Variants in MGAT4C observed in about 807,000 individuals in gnomAD.
MGAT4C encodes MGAT4 family member C, also known as alpha-1,3-mannosyl-glycoprotein 4-beta-N-acetylglucosaminyltransferase C.
In MGAT4C, 19 loss-of-function variants were observed where a neutral mutation model predicts 40.1. That is an observed-to-expected ratio of 0.47 (90% CI 0.33 to 0.70). The LOEUF (loss-of-function observed/expected upper bound fraction) is 0.70, where lower values mean the gene tolerates loss of function less well. Ranked by LOEUF, MGAT4C falls within the 30% of genes least tolerant of loss-of-function variation. The pLI is 0.02. For synonymous variants in MGAT4C, 181 were observed against 187.1 expected (o/e 0.97, Z 0.27); for missense variants, 491 against 563.2 (o/e 0.87, Z 1.30).
At position 86,603,224 on chromosome 12, in the gene MGAT4C, T is replaced by G. The variant is rs1434417720; in HGVS notation, c.-229+123985A>C. ...TAGAATAATACTATATAGTATAATA[T>G]AATATAATATATTATATAATGGTAT... is the stretch of plus-strand genomic sequence containing the variant. On this transcript the variant is annotated intron_variant, in intron 2 of 7. Coordinates refer to the MGAT4C transcript ENST00000548651. 2.8e-5 allele frequency among the ~76,000 whole-genome samples: 4 copies of G among 144,594 alleles called. No homozygotes were observed. The Admixed American group carries it at 2.9e-4, about 10-fold the overall frequency. 94.9% of individuals were successfully genotyped at this position (144,594 alleles called of 152,430 possible).
intron 3 of MGAT4C, among the ~76,000 whole-genome samples, chr12:86,386,871 T>C (rs770287178): frequency 1.1e-4 from 16 of 152,304 alleles, no homozygotes; most frequent in Middle Eastern, 3.4e-3. Flanking sequence ...ATGGCACAAA[T>C]ATATTCATGC....
chr12:86,509,987 T>C (rs1350260599), intron 2 of MGAT4C, among the ~76,000 whole-genome samples: 2 of 152,142 alleles, frequency 1.3e-5, no homozygotes, highest in East Asian at 1.9e-4. Context: ...TTTCTAGATA[T>C]ACAGTCATGT....
intron 2 of MGAT4C, among the ~76,000 whole-genome samples, chr12:86,672,169 G>T (rs1325466052): frequency 6.6e-6 from 1 of 151,964 alleles, no homozygotes; most frequent in African/African-American, 2.4e-5. Context: ...AATTAAACTA[G>T]ATGCTCTTGA....
chr12:86,550,909 A>G (rs1254711236), intron 2 of MGAT4C, among the ~76,000 whole-genome samples: 1 of 152,110 alleles, frequency 6.6e-6, no homozygotes, highest in South Asian at 2.1e-4. Context: ...CCCACTCTCC[A>G]TGGACATTTC....
At chr12:86,283,363 TA>T (rs1953267362) in intron 4 of MGAT4C, among the ~76,000 whole-genome samples, 5 of 152,122 alleles carry the variant, frequency 3.3e-5, no homozygotes, top group African/African-American at 1.2e-4. Flanking sequence ...GTCATGGACA[TA>T]AGTGGAAATT....
intron 4 of MGAT4C, among the ~76,000 whole-genome samples, chr12:85,981,696 C>A (rs994482682): frequency 6.6e-6 from 1 of 152,076 alleles, no homozygotes; most frequent in Admixed American, 6.6e-5. Flanking sequence ...TTTGCTATTA[C>A]CATCATTCTG....
chr12:86,390,784 T>A (rs1175610753), intron 3 of MGAT4C, among the ~76,000 whole-genome samples: 1 of 152,146 alleles, frequency 6.6e-6, no homozygotes, highest in Non-Finnish European at 1.5e-5. Flanking sequence ...CAAATTTTAG[T>A]TACCAGGAAC....
chr12:86,701,969 T>C (rs576904733), intron 2 of MGAT4C, among the ~76,000 whole-genome samples: 1 of 152,276 alleles, frequency 6.6e-6, no homozygotes, highest in Non-Finnish European at 1.5e-5. Flanking sequence ...ATGTAGAAGC[T>C]GCAGCAAGTT....
chr12:86,255,253 T>A (rs1952468757), intron 1 of MGAT4C, among the ~76,000 whole-genome samples: 2 of 152,228 alleles, frequency 1.3e-5, no homozygotes, highest in Admixed American at 6.5e-5. Context: ...GCATCCAACT[T>A]TAAAATAACA....
intron 1 of MGAT4C, among the ~76,000 whole-genome samples, chr12:86,216,980 A>G (rs113553311): frequency 6.6e-6 from 1 of 152,188 alleles, no homozygotes; most frequent in African/African-American, 2.4e-5. Context: ...AATATAAGTA[A>G]GTTAAATAAC....
In MGAT4C at chr12:86,035,332, G is replaced by A. The variant is rs148409987; in HGVS notation, c.-7+14342C>T. Among the ~76,000 whole-genome samples, 48 of 150,368 alleles carry A rather than the reference G, an allele frequency of 3.2e-4. 3 individuals carry two copies. The East Asian group carries it at 9.3e-3, about 29-fold the overall frequency. The stretch of plus-strand genomic sequence containing the variant: ...GCTTTGCATTTCTCTAATGACCACT[G>A]ATGATGAACTTTTTTTCATGTGTTT... On this transcript the variant is annotated intron_variant, in intron 2 of 4. Transcript: ENST00000611864.
In MGAT4C at chr12:85,962,725, A is replaced by C. The variant is rs1180950527; in HGVS notation, c.*16564T>G. 1 of 151,208 alleles carries C rather than the reference A, an allele frequency of 6.6e-6. No individual in the cohort carries two copies. The highest frequency in any genetic ancestry group is 1.9e-4 in the East Asian group (1 of 5,168). The allele number at this position is 151,208 out of a possible 1,614,324, so 9.4% of individuals were successfully genotyped here. ...CAACTACATTTTACATAGGATGAAA[A>C]AAATCATTATTTTTATTAATCCCAA... On this transcript the variant is annotated 3_prime_UTR_variant, in exon 5 of 5. Transcript: ENST00000611864.
Position 86,310,154 on chromosome 12 carries a change from AT to A in MGAT4C, c.-57+23910del, listed in dbSNP as rs1368528366. ...GTGTTAAGCTAGGGTCTCAAACTCAATTTTTTTTTTTTTTGCCTGAGGTCAG... is the reference window on the plus strand; with the variant it reads ...GTGTTAAGCTAGGGTCTCAAACTCAATTTTTTTTTTTTTGCCTGAGGTCAG... On this transcript the variant is annotated intron_variant, in intron 4 of 7. Coordinates refer to the MGAT4C transcript ENST00000548651. 5.2e-3 allele frequency among the ~76,000 whole-genome samples: 752 copies of A among 144,864 alleles called. 1 individual carries two copies. Among genetic ancestry groups the A allele is most frequent in the African/African-American group, 8.8e-3 (351 of 39,784 alleles).
At chr12:86,249,601 A>C (rs1031507200) in intron 1 of MGAT4C, among the ~76,000 whole-genome samples, 1 of 152,190 alleles carries the variant, frequency 6.6e-6, no homozygotes, top group African/African-American at 2.4e-5. Flanking sequence ...TTATGCAGTT[A>C]TGACAGTTGT....
At chr12:86,506,355 A>T (rs1958472642) in intron 2 of MGAT4C, among the ~76,000 whole-genome samples, 1 of 152,262 alleles carries the variant, frequency 6.6e-6, no homozygotes, top group South Asian at 2.1e-4. Flanking sequence ...AAACAAATAT[A>T]TTTTTTAAAG....
At chr12:86,039,329 C>G (rs1231019369) in intron 2 of MGAT4C, among the ~76,000 whole-genome samples, 1 of 152,130 alleles carries the variant, frequency 6.6e-6, no homozygotes. Flanking sequence ...AACTGGGTTC[C>G]ATTCTCCTCA....
intron 2 of MGAT4C, among the ~76,000 whole-genome samples, chr12:86,535,736 C>A (rs553878966): frequency 6.6e-6 from 1 of 152,036 alleles, no homozygotes; most frequent in Non-Finnish European, 1.5e-5. Context: ...TCCAGAAATG[C>A]AAATACCTAC....
intron 1 of MGAT4C, among the ~76,000 whole-genome samples, chr12:86,742,301 G>T (rs532128779): frequency 2.6e-5 from 4 of 151,432 alleles, no homozygotes; most frequent in Non-Finnish European, 5.9e-5. Flanking sequence ...TTTTTCTCAA[G>T]TGCTTGCTGC....
At chr12:86,832,832 C>T (rs1952958944) in intron 1 of MGAT4C, among the ~76,000 whole-genome samples, 1 of 151,758 alleles carries the variant, frequency 6.6e-6, no homozygotes, top group South Asian at 2.1e-4. Flanking sequence ...ATCATAATAG[C>T]AAGTACTCTG....
Sources: allele counts gnomAD v4.1 joint callset (sites outside exome capture counted in the v4.1 genomes callset), GRCh38; gene constraint gnomAD v4.1.1; transcripts MANE v1.5; gene names NCBI Gene and HGNC (gene_info 2026-07-23, HGNC 2026-07-21).